The following CNTNAP4 variants were observed in gnomAD, a reference collection of about 807,000 sequenced individuals.
CNTNAP4 encodes contactin-associated protein-like 4.
In CNTNAP4, 98 loss-of-function variants were observed where a neutral mutation model predicts 148.4. The ratio of observed to expected loss-of-function variants is 0.66; its 90% CI spans 0.56 to 0.78. The LOEUF (loss-of-function observed/expected upper bound fraction) is 0.78, where lower values mean the gene tolerates loss of function less well. CNTNAP4 is among the 30% of genes least tolerant of loss of function. CNTNAP4 has a pLI of 0.00. For synonymous variants in CNTNAP4, 730 were observed against 565.1 expected, an observed-to-expected ratio of 1.29 and a Z score of -4.14; for missense variants, 1,935 against 1,565.6, an observed-to-expected ratio of 1.24 and a Z score of -3.98.
intron 3 of CNTNAP4, among the ~76,000 whole-genome samples, chr16:76,385,317 C>A (rs17699441): frequency 6.6e-6 from 1 of 152,122 alleles, no homozygotes; most frequent in African/African-American, 2.4e-5. Flanking sequence ...GCTATGTCAT[C>A]TCACAGGGAC....
intron 3 of CNTNAP4, among the ~76,000 whole-genome samples, chr16:76,374,757 T>TTAGTATTAG (rs879295473): frequency 6.8e-6 from 1 of 146,486 alleles, no homozygotes; most frequent in Non-Finnish European, 1.5e-5. Flanking sequence ...ATTATTATTA[T>TTAGTATTAG]TATTATTATT....
chr16:76,539,425 TA>T (rs1342501511), intron 19 of CNTNAP4, among the ~76,000 whole-genome samples: 1 of 152,102 alleles, frequency 6.6e-6, no homozygotes, highest in African/African-American at 2.4e-5. Context: ...TACTTAATAT[TA>T]TTTTTTAAGT....
chr16:76,415,404 A>G (rs912568286), intron 3 of CNTNAP4, among the ~76,000 whole-genome samples: 1 of 151,190 alleles, frequency 6.6e-6, no homozygotes, highest in Non-Finnish European at 1.5e-5. Context: ...GTTCTGCAAT[A>G]TCATAAAATA....
chr16:76,470,252 C>G (rs543345710), intron 10 of CNTNAP4, among the ~76,000 whole-genome samples: 1 of 152,082 alleles, frequency 6.6e-6, no homozygotes, highest in Middle Eastern at 3.4e-3. Flanking sequence ...CATGCAGCCC[C>G]TCTGGGTGCA....
At chr16:76,435,182 C>A (rs2079773464) in intron 4 of CNTNAP4, among the ~76,000 whole-genome samples, 1 of 152,148 alleles carries the variant, frequency 6.6e-6, no homozygotes, top group Non-Finnish European at 1.5e-5. Flanking sequence ...TGGCTCAAGT[C>A]TGGAAGTTGA....
chr16:76,353,955 A>G (rs560706473), intron 2 of CNTNAP4, among the ~76,000 whole-genome samples: 10 of 152,312 alleles, frequency 6.6e-5, no homozygotes, highest in African/African-American at 2.2e-4. Flanking sequence ...CTTGTACTCA[A>G]GGTTTCATAA....
chr16:76,505,923 AAAAC>A (rs933564462), intron 15 of CNTNAP4, among the ~76,000 whole-genome samples: 1 of 97,470 alleles, frequency 1.0e-5, no homozygotes, highest in African/African-American at 2.6e-5. Flanking sequence ...TTGGGTCATC[AAAAC>A]AAACAGAGAA....
intron 2 of CNTNAP4, among the ~76,000 whole-genome samples, chr16:76,328,165 G>A (rs1035537812): frequency 6.6e-6 from 1 of 152,270 alleles, no homozygotes; most frequent in Middle Eastern, 3.4e-3. Context: ...TACATTATTG[G>A]ACTTTACAGT....
intron 2 of CNTNAP4, among the ~76,000 whole-genome samples, chr16:76,323,152 C>T (rs1264534535): frequency 1.3e-5 from 2 of 151,984 alleles, no homozygotes; most frequent in East Asian, 3.9e-4. Flanking sequence ...TGGCAATATT[C>T]CTGATTAATT....
chr16:76,331,229 C>A (rs959225358), intron 2 of CNTNAP4, among the ~76,000 whole-genome samples: 1 of 151,628 alleles, frequency 6.6e-6, no homozygotes, highest in Non-Finnish European at 1.5e-5. Context: ...GCTCTGTTGC[C>A]CAGGCTGGAG....
chr16:76,310,542 A>G (rs1473109885), intron 1 of CNTNAP4, among the ~76,000 whole-genome samples: 1 of 152,130 alleles, frequency 6.6e-6, no homozygotes, highest in Non-Finnish European at 1.5e-5. Context: ...CTATTTTCTG[A>G]TGGGAACGAG....
chr16:76,290,765 A>G (rs1214919537), intron 1 of CNTNAP4, among the ~76,000 whole-genome samples: 1 of 152,152 alleles, frequency 6.6e-6, no homozygotes, highest in Non-Finnish European at 1.5e-5. Context: ...TTGGTGCCAT[A>G]TTAGTCTTCT....
At chr16:76,328,192 C>T (rs982778372) in intron 2 of CNTNAP4, among the ~76,000 whole-genome samples, 20 of 152,194 alleles carry the variant, frequency 1.3e-4, no homozygotes, top group African/African-American at 4.1e-4. Flanking sequence ...ATCTGACAAA[C>T]ACCACCTCAT....
At chr16:76,300,371 G>A (rs1412737983) in intron 1 of CNTNAP4, among the ~76,000 whole-genome samples, 4 of 151,872 alleles carry the variant, frequency 2.6e-5, no homozygotes, top group African/African-American at 7.3e-5. Context: ...TGGACACAGG[G>A]AGGGGAACAT....
intron 1 of CNTNAP4, 113 bp from the exon 2 acceptor site, chr16:76,316,300 T>G (rs368913780): frequency 5.1e-5 from 38 of 739,988 alleles, no homozygotes; most frequent in South Asian, 3.8e-4. Context: ...TTTTTAGAGA[T>G]CTTAGATCCT....
chr16:76,283,315 C>G (rs1352378121), intron 1 of CNTNAP4, among the ~76,000 whole-genome samples: 1 of 151,756 alleles, frequency 6.6e-6, no homozygotes, highest in East Asian at 1.9e-4. Flanking sequence ...CCAATTAGTC[C>G]CAGGTTGTTT....
chr16:76,314,133 G>A (rs898407823), intron 1 of CNTNAP4, among the ~76,000 whole-genome samples: 5 of 152,122 alleles, frequency 3.3e-5, no homozygotes, highest in African/African-American at 1.2e-4. Flanking sequence ...ATATGTATAT[G>A]CATTAATATG....
chr16:76,327,447 T>C (rs1421861501), intron 2 of CNTNAP4, among the ~76,000 whole-genome samples: 4 of 152,222 alleles, frequency 2.6e-5, no homozygotes, highest in African/African-American at 9.6e-5. Flanking sequence ...CTTTATTCAG[T>C]CCATCATTGA....
intron 14 of CNTNAP4, among the ~76,000 whole-genome samples, chr16:76,495,844 A>AT (rs894390352): frequency 1.3e-5 from 2 of 152,084 alleles, no homozygotes; most frequent in Non-Finnish European, 2.9e-5. Context: ...AATATGAGTG[A>AT]TTTTGTTACA....
Sources: gnomAD v4.1 joint callset for allele counts (sites outside exome capture counted in the v4.1 genomes callset) on GRCh38, gnomAD v4.1.1 for gene constraint, MANE v1.5 for transcripts, NCBI Gene and HGNC (gene_info 2026-07-23, HGNC 2026-07-21) for gene names.